Variants in GOLPH3L observed in about 807,000 individuals in gnomAD.
GOLPH3L encodes golgi phosphoprotein 3 like.
A neutral mutation model predicts 30.3 loss-of-function variants in GOLPH3L; 22 were observed. The observed-to-expected ratio is 0.73, with a 90% CI of 0.52 to 1.04. The LOEUF is 1.04. Ranked by LOEUF, GOLPH3L falls within the 50% of genes least tolerant of loss-of-function variation. The pLI is 0.00. For missense variants in GOLPH3L, 303 were observed against 345.8 expected, an observed-to-expected ratio of 0.88 and a Z score of 0.98; for synonymous variants, 120 against 128.2, an observed-to-expected ratio of 0.94 and a Z score of 0.43.
At chr1:150,675,779 CAAAAAAAAAAAA>C (rs58158655) in intron 2 of GOLPH3L, among the ~76,000 whole-genome samples, 6 of 49,266 alleles carry the variant, frequency 1.2e-4, no homozygotes, top group Admixed American at 3.8e-4. Context: ...GACTCTGTCT[CAAAAAAAAAAAA>C]AAAAAAAAAA....
intron 2 of GOLPH3L, among the ~76,000 whole-genome samples, chr1:150,667,601 T>C (rs1009041901): frequency 6.0e-5 from 9 of 150,138 alleles, no homozygotes; most frequent in Non-Finnish European, 8.9e-5. Flanking sequence ...CTTTCTTTTT[T>C]TTTTTTTTTT....
chr1:150,663,772 G>A lies in GOLPH3L; in HGVS notation c.184-9C>T, dbSNP rs1488311669. 1.2e-6 allele frequency: 2 copies of A among 1,610,560 alleles called. No individual in the cohort carries two copies. The highest frequency in any genetic ancestry group is 1.7e-6 in the Non-Finnish European group (2 of 1,177,788). ...CAGAAAGATGTGTACCCCTAGGAAAGGAGAAAAGAGAAGAGAAAGAATGTT... is the reference window on the plus strand; with the variant it reads ...CAGAAAGATGTGTACCCCTAGGAAAAGAGAAAAGAGAAGAGAAAGAATGTT... On this transcript the variant is annotated splice_polypyrimidine_tract_variant and intron_variant, in intron 2 of 4. Transcript: ENST00000271732.
intron 2 of GOLPH3L, among the ~76,000 whole-genome samples, chr1:150,692,939 C>T (rs1466222221): frequency 6.6e-6 from 1 of 152,200 alleles, no homozygotes; most frequent in Non-Finnish European, 1.5e-5. Flanking sequence ...CAGTCAGTGA[C>T]TGTTTCCTAG....
At chr1:150,656,798 C>A (rs587595355) in intron 4 of GOLPH3L, among the ~76,000 whole-genome samples, 3 of 152,104 alleles carry the variant, frequency 2.0e-5, no homozygotes, top group Admixed American at 2.0e-4. Flanking sequence ...CTTGGCAAAC[C>A]CACTTAGCTA....
chr1:150,648,371 T>A lies in GOLPH3L; in HGVS notation c.808A>T (p.Ser270Cys). The A allele has an allele frequency of 6.2e-7, 1 of 1,613,936 alleles. No individual in the cohort carries two copies. Among genetic ancestry groups the A allele is most frequent in the Middle Eastern group, 1.7e-4 (1 of 6,058 alleles). ...LDPEVEGTKP[S>C]ATEMIWAVLA... ...ACAGCCCAGATCATTTCTGTGGCAC[T>A]AGGCTTTGTCCCTTCCACTTCAGGG... The change falls in exon 5 of 5, where the codon AGT becomes TGT. Residue 270 changes from serine to cysteine, a missense_variant. Physicochemically the swap from Ser to Cys is moderately radical, Grantham distance 112. Transcript: ENST00000271732.
chr1:150,688,807 C>G (rs1023868235), intron 2 of GOLPH3L, among the ~76,000 whole-genome samples: 4 of 152,232 alleles, frequency 2.6e-5, no homozygotes, highest in Middle Eastern at 3.4e-3. Context: ...TTCCCAACAT[C>G]TCTTCTTCCC....
chr1:150,688,180 A>G (rs1651135356), intron 2 of GOLPH3L, among the ~76,000 whole-genome samples: 2 of 152,204 alleles, frequency 1.3e-5, no homozygotes, highest in African/African-American at 4.8e-5. Context: ...CTTTCAAACT[A>G]CTTGTTAAAC....
chr1:150,677,038 C>T (rs12064701), intron 2 of GOLPH3L, among the ~76,000 whole-genome samples: 58,437 of 151,564 alleles, frequency 0.39, 11,576 homozygotes, highest in South Asian at 0.55. Flanking sequence ...TGTGAGCCAC[C>T]GTGCCAGGCT....
rs968094695 is a variant in GOLPH3L, at chr1:150,661,855, T to C, written c.389A>G (p.Glu130Gly). Residue 130 changes from glutamate (E) to glycine (G), a missense_variant, in exon 4 of 5, where the codon GAA (glutamate) becomes GGA (glycine). Coordinates refer to ENST00000271732, the MANE Select transcript of GOLPH3L (RefSeq NM_018178.6). ...DETLKHIKAT[E>G]PTETVQTWIE... ...CCATGTTTGGACAGTTTCTGTGGGT[T>C]CAGTTGCTTTGATGTGTTTCAGAGT... is the stretch of plus-strand genomic sequence containing the variant. The C allele has an allele frequency of 1.3e-6, 2 of 1,591,676 alleles. No individual in the cohort carries two copies.
chr1:150,697,021 G>C lies in GOLPH3L; in HGVS notation c.-42C>G, dbSNP rs1286708470. ...TGTTACTCCTGGGTTATGGCTGGACGCAGGCTGTAGCTTGTGCTGTATTTT... is the reference window on the plus strand; with the variant it reads ...TGTTACTCCTGGGTTATGGCTGGACCCAGGCTGTAGCTTGTGCTGTATTTT... On this transcript the variant is annotated 5_prime_UTR_variant, in exon 1 of 5. Transcript: ENST00000271732. The C allele has an allele frequency of 6.6e-6, 1 of 152,036 alleles. No individual in the cohort carries two copies. Among genetic ancestry groups the C allele is most frequent in the Non-Finnish European group, 1.5e-5 (1 of 68,018 alleles). The allele number at this position is 152,036 out of a possible 1,614,324, so 9.4% of individuals were successfully genotyped here.
Sources: allele counts gnomAD v4.1 joint callset (sites outside exome capture counted in the v4.1 genomes callset), GRCh38; gene constraint gnomAD v4.1.1; transcripts MANE v1.5; gene names NCBI Gene and HGNC (gene_info 2026-07-23, HGNC 2026-07-21).